The following DZANK1 variants were observed in gnomAD, a reference collection of about 807,000 sequenced individuals.
DZANK1 encodes the protein double zinc ribbon and ankyrin repeat domains 1.
In DZANK1, 91 loss-of-function variants were observed where a neutral mutation model predicts 94.5. The ratio of observed to expected loss-of-function variants is 0.96; its 90% CI spans 0.81 to 1.15. The LOEUF is 1.15. Among genes scored for constraint, DZANK1 ranks in the 50% most tolerant of loss-of-function variants. DZANK1 has a pLI of 0.00. For synonymous variants in DZANK1, 312 were observed against 325.3 expected, an observed-to-expected ratio of 0.96 and a Z score of 0.44; for missense variants, 903 against 916.4, an observed-to-expected ratio of 0.99 and a Z score of 0.19.
intron 10 of DZANK1, among the ~76,000 whole-genome samples, chr20:18,416,365 C>T (rs1321241189): frequency 6.6e-6 from 1 of 152,156 alleles, no homozygotes; most frequent in Non-Finnish European, 1.5e-5. Context: ...TCCTTCCGGT[C>T]CCACCTTCCT....
chr20:18,396,717 T>C (rs1375372226), intron 14 of DZANK1, among the ~76,000 whole-genome samples, 171 bp from the exon 15 acceptor site: 1 of 152,022 alleles, frequency 6.6e-6, no homozygotes, highest in African/African-American at 2.4e-5. Context: ...ACGAGATAAA[T>C]AGAAAACAAA....
intron 5 of DZANK1, 49 bp downstream of exon 5, chr20:18,453,682 T>C: frequency 7.5e-7 from 1 of 1,340,146 alleles, no homozygotes; most frequent in Admixed American, 1.8e-5. Flanking sequence ...ATGAACCTCT[T>C]CGGTGGGTTC....
chr20:18,410,032 C>CAA (rs33981503), intron 13 of DZANK1, among the ~76,000 whole-genome samples: 90 of 90,260 alleles, frequency 1.0e-3, no homozygotes, highest in African/African-American at 1.5e-3. Flanking sequence ...GACTCCGTCT[C>CAA]AAAAAAAAAA....
intron 8 of DZANK1, among the ~76,000 whole-genome samples, chr20:18,437,873 TA>T (rs749198004): frequency 6.6e-6 from 1 of 151,854 alleles, no homozygotes; most frequent in Non-Finnish European, 1.5e-5. Context: ...TTAAAAATAA[TA>T]AAAAAGTCAA....
In DZANK1 at chr20:18,439,608, C is replaced by T. The variant is rs113832863; in HGVS notation, c.747+3739G>A. On this transcript the variant is annotated intron_variant, in intron 8 of 20. Coordinates refer to ENST00000262547, the Ensembl canonical transcript of DZANK1. ...CTGCTACTCTGGGATCTCACTAGCTCTAATGAGATCAGGGAACTCCTCTAA... is the reference window on the plus strand; with the variant it reads ...CTGCTACTCTGGGATCTCACTAGCTTTAATGAGATCAGGGAACTCCTCTAA... Among the ~76,000 whole-genome samples the T allele has an allele frequency of 7.2e-3, 1,100 of 152,292 alleles. 9 individuals carry two copies. Among genetic ancestry groups the T allele is most frequent in the Non-Finnish European group, 0.012 (795 of 68,022 alleles).
At position 18,424,351 on chromosome 20, in the gene DZANK1, A is replaced by C. The variant is rs2057928804; in HGVS notation, c.954+2716T>G. On this transcript the variant is annotated intron_variant, in intron 10 of 20. Transcript: ENST00000262547. ...GCACCTGTAGTCCCAGCTACTTGGG[A>C]GGCTGAGGCAGGAGAATGGCTTGAA... 2.0e-5 allele frequency among the ~76,000 whole-genome samples: 3 copies of C among 152,056 alleles called. No individual in the cohort carries two copies. The South Asian group carries it at 6.2e-4, about 31-fold the overall frequency.
rs778562049 is a variant in DZANK1 at position 18,415,458 on chromosome 20, T to C, written c.955-9A>G. On this transcript the variant is annotated splice_polypyrimidine_tract_variant and intron_variant, in intron 10 of 20. Coordinates refer to ENST00000262547, the Ensembl canonical transcript of DZANK1. Reference sequence around the variant, plus strand: ...TCCCCACTGCACATCGACTGGTGAATGAAATGGCATTTAAAGGCAGGATCA... The same window carrying C: ...TCCCCACTGCACATCGACTGGTGAACGAAATGGCATTTAAAGGCAGGATCA... The C allele has an allele frequency of 6.7e-7, 1 of 1,488,396 alleles. No individual in the cohort carries two copies. The highest frequency in any genetic ancestry group is 1.4e-5 in the South Asian group (1 of 72,006). The allele number at this position is 1,488,396 out of a possible 1,614,324, so 92.2% of individuals were successfully genotyped here. A position where few individuals can be genotyped will look rare whatever the true frequency, so the allele number is the denominator to read the frequency against.
Position 18,441,661 on chromosome 20 carries a change from AG to A in DZANK1, c.747+1685del, listed in dbSNP as rs2058719356. Among the ~76,000 whole-genome samples the A allele has an allele frequency of 6.6e-6, 1 of 152,240 alleles. No individual in the cohort carries two copies. The highest frequency in any genetic ancestry group is 2.1e-4 in the South Asian group (1 of 4,832). On this transcript the variant is annotated intron_variant, in intron 8 of 20. Coordinates refer to ENST00000262547, the Ensembl canonical transcript of DZANK1. The surrounding 1 kb of genome is among the most constrained non-coding windows in gnomAD (Gnocchi z 4.1). ...GTGTGGTTGTCACCCACCGGATGGC[AG>A]AGAAGTTCACTGAGGTGACACAGAT...
In DZANK1 at chr20:18,398,506, A is replaced by G; in HGVS notation, c.1536+17T>C. The G allele has an allele frequency of 6.2e-7, 1 of 1,612,902 alleles. No individual in the cohort carries two copies. The highest frequency in any genetic ancestry group is 2.2e-5 in the East Asian group (1 of 44,874). The stretch of plus-strand genomic sequence containing the variant: ...ATCCCGTGGACACTTGTGGAGTGGA[A>G]ATTTCATCTCACCCACCTTTCCCAT... On this transcript the variant is annotated intron_variant, in intron 14 of 20. Coordinates refer to ENST00000262547, the Ensembl canonical transcript of DZANK1.
chr20:18,417,803 A>G (rs1233043813), intron 10 of DZANK1, among the ~76,000 whole-genome samples: 1 of 152,164 alleles, frequency 6.6e-6, no homozygotes, highest in Non-Finnish European at 1.5e-5. Context: ...TGCTGATAAT[A>G]GGCCGGGTGT....
At chr20:18,389,562 A>G (rs1314343789) in intron 19 of DZANK1, 139 bp downstream of exon 19, 104 of 1,270,058 alleles carry the variant, frequency 8.2e-5, no homozygotes, top group Non-Finnish European at 6.5e-5. Context: ...TAAGCCTCTT[A>G]TTAAAGCTGA....
At chr20:18,388,470 T>C (rs1328565802) in intron 19 of DZANK1, among the ~76,000 whole-genome samples, 1 of 152,270 alleles carries the variant, frequency 6.6e-6, no homozygotes, top group Non-Finnish European at 1.5e-5. Context: ...GGACTCACGC[T>C]GCTTACACTT....
At chr20:18,443,209 G>GT (rs2058766132) in intron 8 of DZANK1, 138 bp downstream of exon 8, 1 of 689,500 alleles carries the variant, frequency 1.5e-6, no homozygotes, top group Admixed American at 2.4e-5. Context: ...AAGTAGGAGT[G>GT]TGTAAGAGTT....
At chr20:18,402,679 G>A (rs1287002895) in intron 13 of DZANK1, among the ~76,000 whole-genome samples, 2 of 152,088 alleles carry the variant, frequency 1.3e-5, no homozygotes, top group East Asian at 1.9e-4. Flanking sequence ...ACTTCCTTTC[G>A]TTCCTGCTCT....
At chr20:18,432,292 A>T (rs2058316599) in intron 9 of DZANK1, among the ~76,000 whole-genome samples, 1 of 152,246 alleles carries the variant, frequency 6.6e-6, no homozygotes, top group South Asian at 2.1e-4. Context: ...TAAATGTATT[A>T]ATAAGAATAG....
chr20:18,459,315 TTTTA>T (rs1180307018), intron 3 of DZANK1, among the ~76,000 whole-genome samples: 3 of 152,236 alleles, frequency 2.0e-5, no homozygotes, highest in Non-Finnish European at 4.4e-5. Flanking sequence ...TTTTGTTTCA[TTTTA>T]TTTGTTATAA....
Position 18,450,230 on chromosome 20 carries a change from G to A in DZANK1, c.544-1161C>T, listed in dbSNP as rs144528102. ...CTGCAGGCAATAGAGAGCAGTCAGAGGTTTCTCATTGCTTTTGTGCCACAT... is the reference window on the plus strand; with the variant it reads ...CTGCAGGCAATAGAGAGCAGTCAGAAGTTTCTCATTGCTTTTGTGCCACAT... On this transcript the variant is annotated intron_variant, in intron 6 of 20. Coordinates refer to ENST00000262547, the Ensembl canonical transcript of DZANK1. Among the ~76,000 whole-genome samples the A allele has an allele frequency of 2.5e-3, 386 of 152,202 alleles. 6 individuals are homozygous for A. The highest frequency in any genetic ancestry group is 0.021 in the Admixed American group (326 of 15,270).
chr20:18,408,070 C>A (rs1291988552), intron 13 of DZANK1, among the ~76,000 whole-genome samples: 2 of 152,182 alleles, frequency 1.3e-5, no homozygotes, highest in Non-Finnish European at 2.9e-5. Context: ...AATCCCAGCA[C>A]TTCGGGAGGC....
At chr20:18,389,977 C>A in intron 18 of DZANK1, 149 bp from the exon 19 acceptor site, 1 of 1,227,544 alleles carries the variant, frequency 8.1e-7, no homozygotes, top group Non-Finnish European at 1.1e-6. Flanking sequence ...TCAGGAACCT[C>A]AAGACCTGAT....
Sources: gnomAD v4.1 joint callset for allele counts (sites outside exome capture counted in the v4.1 genomes callset) on GRCh38, gnomAD v4.1.1 for gene constraint, Gnocchi (gnomAD v3.1) non-coding constraint, MANE v1.5 for transcripts, NCBI Gene and HGNC (gene_info 2026-07-23, HGNC 2026-07-21) for gene names.